NREP: variants seen among roughly 807,000 people sequenced by gnomAD.
The protein encoded by NREP is neuronal regeneration related protein.
A neutral mutation model predicts 8.6 loss-of-function variants in NREP; 5 were observed. The ratio of observed to expected loss-of-function variants is 0.58; its 90% CI spans 0.30 to 1.22. The LOEUF is 1.22. NREP is among the 50% of genes most tolerant of loss of function. The pLI is 0.07. For synonymous variants in NREP, 27 were observed against 28.0 expected, an observed-to-expected ratio of 0.96 and a Z score of 0.11; for missense variants, 86 against 82.5, an observed-to-expected ratio of 1.04 and a Z score of -0.17.
chr5:111,757,204 AGG>A (rs1750770978), upstream of NREP: 1 of 921,766 alleles, frequency 1.1e-6, no homozygotes, highest in East Asian at 1.5e-4. Context: ...TGGTTGAAAA[AGG>A]GCAACATGCT....
At chr5:111,768,289 G>A (rs897943618) in intron 2 of NREP, among the ~76,000 whole-genome samples, 3 of 152,126 alleles carry the variant, frequency 2.0e-5, no homozygotes, top group African/African-American at 7.2e-5. Context: ...TATGGATTTT[G>A]TGCCTTTTTG....
intron 2 of NREP, among the ~76,000 whole-genome samples, chr5:111,974,170 T>C (rs1454228044): frequency 6.6e-6 from 1 of 152,226 alleles, no homozygotes; most frequent in Admixed American, 6.5e-5. Flanking sequence ...TGTTCCTCAG[T>C]CTTTATTTCT....
At chr5:111,861,910 T>C (rs1753552271) in intron 2 of NREP, among the ~76,000 whole-genome samples, 1 of 152,058 alleles carries the variant, frequency 6.6e-6, no homozygotes, top group African/African-American at 2.4e-5. Flanking sequence ...ATCATTCAAA[T>C]ATCAAGTAAA....
intron 2 of NREP, among the ~76,000 whole-genome samples, chr5:111,781,605 G>T (rs999433675): frequency 4.6e-5 from 7 of 152,108 alleles, no homozygotes; most frequent in African/African-American, 1.7e-4. Flanking sequence ...AGCCTCCACA[G>T]TTTAGGATAA....
At chr5:111,865,988 T>C (rs1753655154) in intron 2 of NREP, among the ~76,000 whole-genome samples, 1 of 152,198 alleles carries the variant, frequency 6.6e-6, no homozygotes, top group Non-Finnish European at 1.5e-5. Flanking sequence ...ATAGCCATTC[T>C]CTGCCAACTT....
chr5:111,768,875 C>A (rs1561659023), intron 2 of NREP, among the ~76,000 whole-genome samples: 1 of 152,162 alleles, frequency 6.6e-6, no homozygotes, highest in Admixed American at 6.5e-5. Flanking sequence ...CAGATGTATA[C>A]CCAATAATGG....
rs945622752 is a variant in NREP, at chr5:111,834,162, C to T, written c.136-98655G>A. Among the ~76,000 whole-genome samples the T allele has an allele frequency of 4.6e-5, 7 of 152,180 alleles. No homozygotes were observed. In the South Asian group the frequency reaches 1.2e-3, roughly 27 times the overall value. On this transcript the variant is annotated intron_variant, in intron 2 of 3. Coordinates refer to the NREP transcript ENST00000395634. Reference sequence around the variant, plus strand: ...AGCAAATGCTGGGAGATACTAGCTACTGCTATTGCCATGAGTAATTAAGTA... The same window carrying T: ...AGCAAATGCTGGGAGATACTAGCTATTGCTATTGCCATGAGTAATTAAGTA...
At chr5:111,771,778 A>C (rs953032602) in intron 2 of NREP, among the ~76,000 whole-genome samples, 2 of 151,696 alleles carry the variant, frequency 1.3e-5, no homozygotes, top group Admixed American at 1.3e-4. Flanking sequence ...AAAAAAAAAA[A>C]CAAAAAAATC....
intron 2 of NREP, among the ~76,000 whole-genome samples, chr5:111,898,374 A>G (rs1754564451): frequency 6.6e-6 from 1 of 152,192 alleles, no homozygotes; most frequent in South Asian, 2.1e-4. Context: ...GTATTGGCTG[A>G]GGGGTGGAAG....
intron 2 of NREP, among the ~76,000 whole-genome samples, chr5:111,769,102 C>A (rs565233693): frequency 6.6e-6 from 1 of 152,210 alleles, no homozygotes; most frequent in Non-Finnish European, 1.5e-5. Context: ...ATTTGCATTT[C>A]TTTGATGTTA....
At chr5:111,954,295 C>A (rs902181914) in intron 2 of NREP, among the ~76,000 whole-genome samples, 15 of 151,950 alleles carry the variant, frequency 9.9e-5, no homozygotes, top group Non-Finnish European at 2.1e-4. Context: ...TACAGGGAAG[C>A]AGATTACTTC....
intron 2 of NREP, among the ~76,000 whole-genome samples, chr5:111,791,343 T>C (rs1751741716): frequency 6.6e-6 from 1 of 152,168 alleles, no homozygotes. Flanking sequence ...TTTTATATCC[T>C]TTGACCAACA....
intron 2 of NREP, among the ~76,000 whole-genome samples, chr5:111,782,176 T>C (rs1561664339): frequency 6.6e-6 from 1 of 152,186 alleles, no homozygotes; most frequent in South Asian, 2.1e-4. Context: ...ATATTTACTG[T>C]AACATATTAA....
At chr5:111,871,838 A>G (rs1379917776) in intron 2 of NREP, among the ~76,000 whole-genome samples, 2 of 147,244 alleles carry the variant, frequency 1.4e-5, no homozygotes, top group African/African-American at 4.9e-5. Context: ...AATGTTATGT[A>G]GTACAGACTA....
intron 2 of NREP, among the ~76,000 whole-genome samples, chr5:111,903,802 C>T (rs1326063859): frequency 2.6e-5 from 4 of 152,030 alleles, no homozygotes; most frequent in Non-Finnish European, 5.9e-5. Flanking sequence ...CTAGATTTTC[C>T]AGCCAAAATA....
At chr5:111,866,317 C>G (rs979593478) in intron 2 of NREP, among the ~76,000 whole-genome samples, 3 of 151,804 alleles carry the variant, frequency 2.0e-5, no homozygotes, top group African/African-American at 7.3e-5. Flanking sequence ...AAAAAAAACC[C>G]GATCAAAAAG....
chr5:111,883,679 C>T (rs185361191), intron 2 of NREP, among the ~76,000 whole-genome samples: 82 of 152,294 alleles, frequency 5.4e-4, no homozygotes, highest in African/African-American at 1.7e-3. Flanking sequence ...TCACTCAAAA[C>T]CGCTCAACTA....
At chr5:111,789,886 C>T (rs1446103623) in intron 2 of NREP, among the ~76,000 whole-genome samples, 4 of 151,956 alleles carry the variant, frequency 2.6e-5, no homozygotes, top group African/African-American at 9.7e-5. Context: ...CTTGTAATGA[C>T]ATAAAACTCA....
At chr5:111,842,090 T>C (rs750803419) in intron 2 of NREP, among the ~76,000 whole-genome samples, 2 of 152,154 alleles carry the variant, frequency 1.3e-5, no homozygotes, top group Admixed American at 6.6e-5. Context: ...TCCCAACATC[T>C]ACACTGAGTT....
Sources: allele counts gnomAD v4.1 joint callset (sites outside exome capture counted in the v4.1 genomes callset), GRCh38; gene constraint gnomAD v4.1.1; transcripts MANE v1.5; gene names NCBI Gene and HGNC (gene_info 2026-07-23, HGNC 2026-07-21).